SPOCK3: variants seen among roughly 807,000 people sequenced by gnomAD.
SPOCK3 encodes testican-3.
SPOCK3 carries 30 observed loss-of-function variants against 56.6 expected under a neutral mutation model. The observed-to-expected ratio is 0.53, with a 90% CI of 0.40 to 0.72. The LOEUF (loss-of-function observed/expected upper bound fraction) is 0.72. Among genes scored for constraint, SPOCK3 ranks in the 30% least tolerant of loss-of-function variants. The probability of loss-of-function intolerance (pLI) is 0.00; values close to 1 mark genes in which losing one functional copy is unlikely to be tolerated. For synonymous variants in SPOCK3, 196 were observed against 183.3 expected (o/e 1.07, Z -0.56); for missense variants, 527 against 530.0 (o/e 0.99, Z 0.06).
At chr4:166,952,964 C>T (rs1415322504) in intron 4 of SPOCK3, among the ~76,000 whole-genome samples, 2 of 150,874 alleles carry the variant, frequency 1.3e-5, no homozygotes, top group Admixed American at 1.3e-4. Context: ...AACGTTAGAC[C>T]TAAAACCATA....
intron 4 of SPOCK3, among the ~76,000 whole-genome samples, chr4:166,934,550 T>C (rs997548220): frequency 3.9e-5 from 6 of 152,100 alleles, no homozygotes; most frequent in Non-Finnish European, 8.8e-5. Context: ...CACCCAAAGA[T>C]ACCCCGTGCC....
In SPOCK3 at chr4:167,233,976, G is replaced by A; in HGVS notation, c.189+9C>T. 6.2e-7 allele frequency: 1 copy of A among 1,609,496 alleles called. No homozygotes were observed. The highest frequency in any genetic ancestry group is 2.2e-5 in the East Asian group (1 of 44,752). ...CGTGTGCCCGGGGATGTGGGTGCGC[G>A]GAACTTACGTCTCGGAATTTGTTCC... On this transcript the variant is annotated intron_variant, in intron 2 of 10. Transcript: ENST00000357545.
chr4:166,836,172 T>C (rs914293986), intron 6 of SPOCK3, among the ~76,000 whole-genome samples: 1 of 152,202 alleles, frequency 6.6e-6, no homozygotes, highest in Non-Finnish European at 1.5e-5. Flanking sequence ...AATAAATAGA[T>C]GAAGTGAGGA....
chr4:167,049,373 T>C (rs901995905), intron 3 of SPOCK3, among the ~76,000 whole-genome samples: 2 of 152,152 alleles, frequency 1.3e-5, no homozygotes, highest in African/African-American at 4.8e-5. Flanking sequence ...TGTCTAAAGA[T>C]TGGAAGTGAA....
intron 5 of SPOCK3, among the ~76,000 whole-genome samples, chr4:166,891,714 T>C (rs1734805056): frequency 1.3e-5 from 2 of 152,144 alleles, no homozygotes; most frequent in South Asian, 4.1e-4. Flanking sequence ...GAATTATAAC[T>C]TCAAATTTAA....
At chr4:167,045,039 C>A (rs973203283) in intron 3 of SPOCK3, among the ~76,000 whole-genome samples, 1 of 152,094 alleles carries the variant, frequency 6.6e-6, no homozygotes, top group East Asian at 1.9e-4. Context: ...GTGAATTCAA[C>A]TATTTTTCCT....
intron 4 of SPOCK3, among the ~76,000 whole-genome samples, chr4:166,948,375 C>T (rs1742052768): frequency 6.6e-6 from 1 of 152,004 alleles, no homozygotes; most frequent in African/African-American, 2.4e-5. Context: ...ATATATAACC[C>T]AGTAGTAAGA....
intron 4 of SPOCK3, among the ~76,000 whole-genome samples, chr4:166,939,879 G>T (rs1740855335): frequency 6.6e-6 from 1 of 152,060 alleles, no homozygotes; most frequent in South Asian, 2.1e-4. Flanking sequence ...TAAGGCCATT[G>T]GTACTAGAAA....
At chr4:166,800,777 G>T (rs999679702) in intron 6 of SPOCK3, among the ~76,000 whole-genome samples, 1 of 151,982 alleles carries the variant, frequency 6.6e-6, no homozygotes, top group Non-Finnish European at 1.5e-5. Context: ...ATTAGTGAAA[G>T]AAAATATTTT....
At chr4:167,128,637 T>C (rs2150377239) in intron 2 of SPOCK3, among the ~76,000 whole-genome samples, 1 of 152,304 alleles carries the variant, frequency 6.6e-6, no homozygotes, top group African/African-American at 2.4e-5. Context: ...ACACTAACAC[T>C]AATGATAGCT....
At chr4:166,824,630 G>A (rs1745272044) in intron 6 of SPOCK3, among the ~76,000 whole-genome samples, 1 of 152,020 alleles carries the variant, frequency 6.6e-6, no homozygotes, top group Non-Finnish European at 1.5e-5. Flanking sequence ...ATTGATCATT[G>A]CTGTTTCTTC....
intron 7 of SPOCK3, among the ~76,000 whole-genome samples, chr4:166,770,263 A>T (rs1738751296): frequency 6.6e-6 from 1 of 152,076 alleles, no homozygotes; most frequent in South Asian, 2.1e-4. Context: ...GAAATCACCC[A>T]TCTTCTGTGT....
chr4:167,048,913 A>G (rs941167074), intron 3 of SPOCK3, among the ~76,000 whole-genome samples: 2 of 152,154 alleles, frequency 1.3e-5, no homozygotes, highest in African/African-American at 4.8e-5. Flanking sequence ...GTGCTTGTTT[A>G]CTTTGAAGAA....
At chr4:167,064,392 G>A (rs563877510) in intron 2 of SPOCK3, among the ~76,000 whole-genome samples, 1 of 151,786 alleles carries the variant, frequency 6.6e-6, no homozygotes, top group African/African-American at 2.4e-5. Flanking sequence ...CACTGATTAT[G>A]TATTGTCTTT....
At chr4:167,106,714 T>A (rs1195289422) in intron 2 of SPOCK3, among the ~76,000 whole-genome samples, 2 of 151,098 alleles carry the variant, frequency 1.3e-5, no homozygotes, top group African/African-American at 2.4e-5. Flanking sequence ...AAAGTTGTTT[T>A]TTTTTTTTGA....
intron 2 of SPOCK3, among the ~76,000 whole-genome samples, chr4:167,210,832 T>C (rs1385713967): frequency 6.6e-6 from 1 of 152,170 alleles, no homozygotes; most frequent in Non-Finnish European, 1.5e-5. Flanking sequence ...TCTCTCTGTG[T>C]ATCTCTCTCT....
intron 8 of SPOCK3, 79 bp from the exon 9 acceptor site, chr4:166,742,138 C>T (rs1007229152): frequency 3.7e-6 from 4 of 1,087,510 alleles, no homozygotes; most frequent in Non-Finnish European, 5.6e-6. Context: ...TCAAACTTCA[C>T]TTAGTCTTTT....
At chr4:167,009,187 T>A (rs753734721) in intron 3 of SPOCK3, among the ~76,000 whole-genome samples, 1 of 151,800 alleles carries the variant, frequency 6.6e-6, no homozygotes, top group South Asian at 2.1e-4. Context: ...ACAAAATAAC[T>A]TAAAAAAATA....
intron 7 of SPOCK3, among the ~76,000 whole-genome samples, chr4:166,768,887 T>A (rs942061343): frequency 6.6e-6 from 1 of 152,184 alleles, no homozygotes; most frequent in Non-Finnish European, 1.5e-5. Context: ...TGTTCATTTC[T>A]TTTTACCCTT....
Sources: allele counts gnomAD v4.1 joint callset (sites outside exome capture counted in the v4.1 genomes callset), GRCh38; gene constraint gnomAD v4.1.1; transcripts MANE v1.5; gene names NCBI Gene and HGNC (gene_info 2026-07-23, HGNC 2026-07-21).